LSAMP: variants seen among roughly 807,000 people sequenced by gnomAD.
The protein encoded by LSAMP is limbic system-associated membrane protein.
In LSAMP, 7 loss-of-function variants were observed where a neutral mutation model predicts 38.6. The observed-to-expected ratio is 0.18, with a 90% confidence interval of 0.10 to 0.34. The LOEUF (loss-of-function observed/expected upper bound fraction) is 0.34. LSAMP is among the 10% of genes least tolerant of loss of function. The pLI, the probability that LSAMP is intolerant of heterozygous loss-of-function variation, is 1.00. For missense variants in LSAMP, 313 were observed against 420.0 expected (o/e 0.75, Z 2.23); for synonymous variants, 154 against 166.8 (o/e 0.92, Z 0.59).
chr3:115,945,441 G>A (rs900207581), intron 3 of LSAMP, among the ~76,000 whole-genome samples: 2 of 152,040 alleles, frequency 1.3e-5, no homozygotes, highest in African/African-American at 4.8e-5. Flanking sequence ...CGAGTTTCTG[G>A]GCTCTACAAG....
rs188424700 is a variant in LSAMP at position 115,942,735 on chromosome 3, G to A, written c.514+76780C>T. Among the ~76,000 whole-genome samples the A allele has an allele frequency of 2.0e-5, 3 of 152,246 alleles. No homozygotes were observed. The East Asian group carries it at 5.8e-4, about 29-fold the overall frequency. ...TCGGTAAATCTATGGGAAAGCCTAGGAATACGTATTTTTAAAGCTTGCCAG... is the reference window on the plus strand; with the variant it reads ...TCGGTAAATCTATGGGAAAGCCTAGAAATACGTATTTTTAAAGCTTGCCAG... On this transcript the variant is annotated intron_variant, in intron 3 of 6. Transcript: ENST00000490035.
intron 1 of LSAMP, among the ~76,000 whole-genome samples, chr3:116,264,347 C>T (rs2046867901): frequency 6.6e-6 from 1 of 152,104 alleles, no homozygotes; most frequent in Non-Finnish European, 1.5e-5. Context: ...TGCTTGACTG[C>T]CAAACTTAGG....
chr3:116,349,584 A>G lies in LSAMP; in HGVS notation c.155+95293T>C, dbSNP rs139651502. Among the ~76,000 whole-genome samples, 652 of 151,982 alleles carry G rather than the reference A, an allele frequency of 4.3e-3. 6 individuals are homozygous for G. Among genetic ancestry groups the G allele is most frequent in the African/African-American group, 0.015 (619 of 41,468 alleles). On this transcript the variant is annotated intron_variant, in intron 1 of 6. Transcript: ENST00000490035. The stretch of plus-strand genomic sequence containing the variant: ...TTAGCATTTACTGTCAGGCACTGTT[A>G]TAGCATTGGGTTGCAGCAGTAAACA...
chr3:116,046,319 G>A (rs143847821), intron 2 of LSAMP, among the ~76,000 whole-genome samples: 1,688 of 152,148 alleles, frequency 0.011, 32 homozygotes, highest in African/African-American at 0.039. Flanking sequence ...ATTAAGCACT[G>A]AGGTAGACTG....
chr3:115,914,656 TTC>T (rs1247641771), intron 3 of LSAMP, among the ~76,000 whole-genome samples: 1 of 152,186 alleles, frequency 6.6e-6, no homozygotes, highest in Non-Finnish European at 1.5e-5. Flanking sequence ...CTTATTATAT[TTC>T]TTTCTTTTAC....
At chr3:116,281,194 T>C (rs2047121959) in intron 1 of LSAMP, among the ~76,000 whole-genome samples, 1 of 152,102 alleles carries the variant, frequency 6.6e-6, no homozygotes. Flanking sequence ...TGAGGGTGTT[T>C]GAAGAGGGGA....
chr3:115,854,270 A>ATTTT (rs1559851795), intron 3 of LSAMP, among the ~76,000 whole-genome samples: 7 of 119,946 alleles, frequency 5.8e-5, no homozygotes, highest in Admixed American at 8.4e-5. Context: ...TATTATTATT[A>ATTTT]TTATTATTAT....
chr3:116,151,689 T>C (rs1709615598), intron 1 of LSAMP, among the ~76,000 whole-genome samples: 1 of 152,050 alleles, frequency 6.6e-6, no homozygotes, highest in African/African-American at 2.4e-5. Context: ...GGCATGTCGC[T>C]GGACTTGTCC....
chr3:116,075,382 C>T lies in LSAMP; in HGVS notation c.388+10942G>A, dbSNP rs545970348. 9.9e-5 allele frequency among the ~76,000 whole-genome samples: 15 copies of T among 151,870 alleles called. No individual in the cohort carries two copies. The South Asian group carries it at 2.3e-3, about 23-fold the overall frequency. ...TGATTTCCTGACCTCGTGATCCGCC[C>T]GCCTCAGCCTCCCAAAGTGCTGGGA... On this transcript the variant is annotated intron_variant, in intron 2 of 6. Coordinates refer to ENST00000490035, the MANE Select transcript of LSAMP (RefSeq NM_002338.5).
intron 3 of LSAMP, among the ~76,000 whole-genome samples, chr3:115,987,804 G>A (rs1939554687): frequency 6.6e-6 from 1 of 152,054 alleles, no homozygotes; most frequent in African/African-American, 2.4e-5. Context: ...AGCATATTTT[G>A]CAGTCAGGAG....
At chr3:116,210,403 C>CG (rs2046139657) in intron 1 of LSAMP, among the ~76,000 whole-genome samples, 1 of 152,182 alleles carries the variant, frequency 6.6e-6, no homozygotes, top group Non-Finnish European at 1.5e-5. Context: ...AGGCTTGCTG[C>CG]GTCTTCCGGC....
intron 1 of LSAMP, among the ~76,000 whole-genome samples, chr3:116,164,628 AAT>A (rs369789482): frequency 0.18 from 15,982 of 87,058 alleles, 1,533 homozygotes; most frequent in Non-Finnish European, 0.22. Flanking sequence ...ATATAATCCA[AAT>A]ATATATATAT....
chr3:116,036,675 G>C (rs555311856), intron 2 of LSAMP, among the ~76,000 whole-genome samples: 30 of 151,522 alleles, frequency 2.0e-4, no homozygotes, highest in Non-Finnish European at 3.2e-4. Context: ...TAGTGTCAAA[G>C]AAAGTATTCT....
intron 1 of LSAMP, among the ~76,000 whole-genome samples, chr3:116,396,293 G>T (rs369618841): frequency 3.5e-4 from 54 of 152,264 alleles, no homozygotes; most frequent in African/African-American, 1.3e-3. Flanking sequence ...AGTTTTAGAT[G>T]GGAGGAAAGA....
intron 3 of LSAMP, among the ~76,000 whole-genome samples, chr3:115,973,843 G>A (rs560608537): frequency 6.6e-6 from 1 of 152,256 alleles, no homozygotes; most frequent in Non-Finnish European, 1.5e-5. Flanking sequence ...TTTGTGTTAA[G>A]TACTTGTGTG....
At chr3:115,949,182 C>G (rs1241334020) in intron 3 of LSAMP, among the ~76,000 whole-genome samples, 2 of 152,154 alleles carry the variant, frequency 1.3e-5, no homozygotes, top group African/African-American at 4.8e-5. Flanking sequence ...TTGCTTGAAT[C>G]TGGGAGATGG....
At chr3:116,196,090 A>G (rs758159011) in intron 1 of LSAMP, among the ~76,000 whole-genome samples, 1 of 152,214 alleles carries the variant, frequency 6.6e-6, no homozygotes, top group Non-Finnish European at 1.5e-5. Flanking sequence ...CATAAGGGTC[A>G]GTGCCCTTCA....
intron 1 of LSAMP, among the ~76,000 whole-genome samples, chr3:116,276,157 AT>A (rs997314576): frequency 2.0e-5 from 3 of 152,212 alleles, no homozygotes; most frequent in Admixed American, 2.0e-4. Flanking sequence ...ACATAAAAAA[AT>A]CTTGTGAAAA....
At chr3:116,299,334 G>A (rs1468203610) in intron 1 of LSAMP, among the ~76,000 whole-genome samples, 1 of 152,206 alleles carries the variant, frequency 6.6e-6, no homozygotes, top group African/African-American at 2.4e-5. Flanking sequence ...AAACAGGATT[G>A]ATGGAGAGTA....
Sources: gnomAD v4.1 joint callset for allele counts (sites outside exome capture counted in the v4.1 genomes callset) on GRCh38, gnomAD v4.1.1 for gene constraint, MANE v1.5 for transcripts, NCBI Gene and HGNC (gene_info 2026-07-23, HGNC 2026-07-21) for gene names.